BTBD9: variants seen among roughly 807,000 people sequenced by gnomAD.
The protein encoded by BTBD9 is BTB/POZ domain-containing protein 9.
In BTBD9, 49 loss-of-function variants were observed where a neutral mutation model predicts 64.3. The ratio of observed to expected loss-of-function variants is 0.76; its 90% CI spans 0.61 to 0.97. The LOEUF (loss-of-function observed/expected upper bound fraction) is 0.97. BTBD9 is among the 50% of genes least tolerant of loss of function. The pLI is 0.00. For synonymous variants in BTBD9, 260 were observed against 274.7 expected, an observed-to-expected ratio of 0.95 and a Z score of 0.53; for missense variants, 598 against 762.1, an observed-to-expected ratio of 0.78 and a Z score of 2.53.
intron 6 of BTBD9, among the ~76,000 whole-genome samples, chr6:38,423,869 C>T (rs533771990): frequency 3.3e-5 from 5 of 149,762 alleles, no homozygotes; most frequent in South Asian, 4.2e-4. Context: ...GATGAATAAG[C>T]GACTATATTT....
chr6:38,438,863 C>T (rs1768882601), intron 6 of BTBD9, among the ~76,000 whole-genome samples: 1 of 152,104 alleles, frequency 6.6e-6, no homozygotes, highest in Admixed American at 6.5e-5. Context: ...TAAGGCCTTA[C>T]TGAGAAAACG....
rs1763201093 is a variant in BTBD9 at position 38,221,690 on chromosome 6, G to A, written c.1563-29093C>T. 2.6e-5 allele frequency among the ~76,000 whole-genome samples: 4 copies of A among 152,202 alleles called. No homozygotes were observed. In the South Asian group the frequency reaches 8.3e-4, roughly 31 times the overall value. On this transcript the variant is annotated intron_variant, in intron 9 of 10. Transcript: ENST00000481247. ...TTCCCTCTGAAGAATAAGCAATGCTGTAAGAGATATGATCTCAAAAGGCCG... is the reference window on the plus strand; with the variant it reads ...TTCCCTCTGAAGAATAAGCAATGCTATAAGAGATATGATCTCAAAAGGCCG...
chr6:38,629,869 A>C (rs1290881365), intron 1 of BTBD9, among the ~76,000 whole-genome samples: 1 of 152,104 alleles, frequency 6.6e-6, no homozygotes, highest in Non-Finnish European at 1.5e-5. Flanking sequence ...AAACCCTTAT[A>C]TAATGTCAGT....
intron 1 of BTBD9, among the ~76,000 whole-genome samples, chr6:38,634,367 T>C (rs559528934): frequency 6.6e-6 from 1 of 152,334 alleles, no homozygotes; most frequent in African/African-American, 2.4e-5. Context: ...TCAGATTCTC[T>C]ACATCCATGT....
At chr6:38,243,302 A>G (rs1039850947) in intron 9 of BTBD9, among the ~76,000 whole-genome samples, 1 of 152,216 alleles carries the variant, frequency 6.6e-6, no homozygotes, top group Non-Finnish European at 1.5e-5. Context: ...TGAGATGTTT[A>G]GGGAGAGCTG....
chr6:38,367,012 G>T (rs1404835365), intron 6 of BTBD9, among the ~76,000 whole-genome samples: 1 of 152,306 alleles, frequency 6.6e-6, no homozygotes, highest in East Asian at 1.9e-4. Context: ...TCAAAGGGCC[G>T]AGTTGTTTTT....
chr6:38,630,037 C>T (rs948019238), intron 1 of BTBD9, among the ~76,000 whole-genome samples: 1 of 151,138 alleles, frequency 6.6e-6, no homozygotes, highest in Admixed American at 6.6e-5. Flanking sequence ...GTGAAAACCC[C>T]GTCTCTACTA....
intron 7 of BTBD9, among the ~76,000 whole-genome samples, chr6:38,324,475 G>A (rs981182673): frequency 2.0e-5 from 3 of 152,166 alleles, no homozygotes; most frequent in African/African-American, 7.2e-5. Flanking sequence ...TGTTCTATTA[G>A]ATTATTCTGA....
At chr6:38,633,296 G>A (rs1778422001) in intron 1 of BTBD9, among the ~76,000 whole-genome samples, 1 of 152,158 alleles carries the variant, frequency 6.6e-6, no homozygotes, top group Non-Finnish European at 1.5e-5. Context: ...GGTCTGTACT[G>A]GAGCCCAGTC....
intron 6 of BTBD9, among the ~76,000 whole-genome samples, chr6:38,444,002 C>G (rs1442496255): frequency 6.6e-6 from 1 of 152,190 alleles, no homozygotes; most frequent in Non-Finnish European, 1.5e-5. Flanking sequence ...TCTGCTCTTG[C>G]CTTTGGTCAC....
intron 10 of BTBD9, chr6:38,179,565 T>A (rs2127473031): frequency 2.2e-6 from 1 of 456,686 alleles, no homozygotes; most frequent in Admixed American, 2.3e-5. Context: ...CTCCAGCAGG[T>A]GCGCCCACAG....
intron 6 of BTBD9, among the ~76,000 whole-genome samples, chr6:38,501,016 T>C (rs1018783477): frequency 2.0e-5 from 3 of 152,218 alleles, no homozygotes; most frequent in Non-Finnish European, 2.9e-5. Flanking sequence ...CTAATGTCCA[T>C]AGATATTGCT....
chr6:38,428,988 C>T (rs1448668706), intron 6 of BTBD9, among the ~76,000 whole-genome samples: 3 of 151,074 alleles, frequency 2.0e-5, no homozygotes, highest in African/African-American at 4.9e-5. Context: ...GGATTACAGG[C>T]GTGAGCCACT....
intron 8 of BTBD9, among the ~76,000 whole-genome samples, chr6:38,266,662 GAAAGA>G (rs1765013874): frequency 9.8e-6 from 1 of 101,924 alleles, no homozygotes; most frequent in Non-Finnish European, 2.1e-5. Flanking sequence ...AAGAAAGAAA[GAAAGA>G]AAGAAAGAAA....
At chr6:38,334,725 A>T (rs928603021) in intron 7 of BTBD9, among the ~76,000 whole-genome samples, 1 of 152,188 alleles carries the variant, frequency 6.6e-6, no homozygotes, top group Non-Finnish European at 1.5e-5. Flanking sequence ...ACACACATCC[A>T]TACTACTATA....
At chr6:38,595,766 A>C in intron 2 of BTBD9, 2 of 985,250 alleles carry the variant, frequency 2.0e-6, no homozygotes, top group Non-Finnish European at 2.4e-6. Flanking sequence ...TATTCTGAGC[A>C]TACCTCTTCA....
intron 8 of BTBD9, among the ~76,000 whole-genome samples, chr6:38,284,513 G>C (rs1012948052): frequency 6.6e-6 from 1 of 152,060 alleles, no homozygotes; most frequent in African/African-American, 2.4e-5. Flanking sequence ...ACCTCATGTA[G>C]TCCACACTAG....
chr6:38,358,769 C>CT (rs35616918), intron 6 of BTBD9, among the ~76,000 whole-genome samples: 46,021 of 146,028 alleles, frequency 0.32, 7,358 homozygotes, highest in Admixed American at 0.34. Context: ...GGATTGTGAC[C>CT]TTTTTTTTTT....
chr6:38,505,964 C>CAAAAAAAAAAAAAAAAA lies in BTBD9; in HGVS notation c.1154+71619_1154+71635dup, dbSNP rs59014161. Among the ~76,000 whole-genome samples the CAAAAAAAAAAAAAAAAA allele has an allele frequency of 2.1e-3, 170 of 82,632 alleles. 11 individuals are homozygous for CAAAAAAAAAAAAAAAAA. The highest frequency in any genetic ancestry group is 6.1e-3 in the African/African-American group (148 of 24,444). The allele number at this position is 82,632 out of a possible 152,430, so 54.2% of individuals were successfully genotyped here. A position where few individuals can be genotyped will look rare whatever the true frequency, so the allele number is the denominator to read the frequency against. On this transcript the variant is annotated intron_variant, in intron 6 of 10. Transcript: ENST00000481247. ...TGGCAACAGCATGGCTCCGTCTCAA[C>CAAAAAAAAAAAAAAAAA]AAAAAAAAAAAAAAAAAAAAGGAAC...
Sources: gnomAD v4.1 joint callset for allele counts (sites outside exome capture counted in the v4.1 genomes callset) on GRCh38, gnomAD v4.1.1 for gene constraint, MANE v1.5 for transcripts, NCBI Gene and HGNC (gene_info 2026-07-23, HGNC 2026-07-21) for gene names.